Variants in BTN2A2 observed in about 807,000 individuals in gnomAD.
BTN2A2 encodes the protein butyrophilin subfamily 2 member A2.
BTN2A2 carries 29 observed loss-of-function variants against 34.7 expected under a neutral mutation model. That is an observed-to-expected ratio of 0.84 (90% CI 0.62 to 1.14). The LOEUF (loss-of-function observed/expected upper bound fraction) is 1.14, where lower values mean the gene tolerates loss of function less well. Ranked by LOEUF, BTN2A2 falls within the 50% of genes most tolerant of loss-of-function variation. The pLI is 0.00. For synonymous variants in BTN2A2, 240 were observed against 253.1 expected (o/e 0.95, Z 0.49); for missense variants, 612 against 651.5 (o/e 0.94, Z 0.66).
Position 26,389,974 on chromosome 6 carries a change from A to G in BTN2A2, c.725-31A>G, listed in dbSNP as rs775434637. 3.7e-5 allele frequency: 60 copies of G among 1,605,814 alleles called. 1 individual carries two copies. In the South Asian group the frequency reaches 6.2e-4, roughly 17 times the overall value. ...CTCTCATCCAGATGTTCTATTTCAAACTAAATGGACTTTTCTGGCTGCCTT... is the reference window on the plus strand; with the variant it reads ...CTCTCATCCAGATGTTCTATTTCAAGCTAAATGGACTTTTCTGGCTGCCTT... On this transcript the variant is annotated intron_variant, in intron 4 of 7. Transcript: ENST00000356709.
intron 3 of BTN2A2, among the ~76,000 whole-genome samples, chr6:26,385,833 C>T (rs961006757): frequency 4.6e-5 from 7 of 152,126 alleles, no homozygotes; most frequent in East Asian, 1.9e-4. Context: ...TACAGGCGTG[C>T]GCCACCACGC....
chr6:26,389,382 AG>A (rs1761424912), intron 4 of BTN2A2, among the ~76,000 whole-genome samples: 1 of 152,162 alleles, frequency 6.6e-6, no homozygotes. Context: ...TGAGCAGCCA[AG>A]GTACAGGAAG....
chr6:26,384,913 C>A lies in BTN2A2; in HGVS notation c.95-102C>A. On this transcript the variant is annotated intron_variant, in intron 2 of 7. Coordinates refer to ENST00000356709, the MANE Select transcript of BTN2A2 (RefSeq NM_006995.5). The surrounding 1 kb of genome is among the most constrained non-coding windows in gnomAD (Gnocchi z 4.0). ...CTTGGAATATCTGCTTCCTTTCATCCCTGGAGTTTTTTTTGTTTGTTTGTT... is the reference window on the plus strand; with the variant it reads ...CTTGGAATATCTGCTTCCTTTCATCACTGGAGTTTTTTTTGTTTGTTTGTT... 1.6e-6 allele frequency: 2 copies of A among 1,230,048 alleles called. No individual in the cohort carries two copies. Among genetic ancestry groups the A allele is most frequent in the East Asian group, 2.5e-5 (1 of 39,646 alleles). 76.2% of individuals were successfully genotyped at this position (1,230,048 alleles called of 1,614,324 possible).
intron 4 of BTN2A2, 66 bp downstream of exon 4, chr6:26,388,360 A>G: frequency 2.5e-6 from 4 of 1,574,378 alleles, no homozygotes; most frequent in Non-Finnish European, 3.5e-6. Context: ...GATGGAGCCC[A>G]GAGCGGGAAT....
chr6:26,393,169 G>A lies in BTN2A2; in HGVS notation c.*202G>A, dbSNP rs1203058151. 1.3e-6 allele frequency: 2 copies of A among 1,576,566 alleles called. No homozygotes were observed. The highest frequency in any genetic ancestry group is 1.7e-6 in the Non-Finnish European group (2 of 1,163,558). ...AGTCTGTGGCTTTAGTAGTTCCTTTGCTTGTAATTATGGGATGGGATCCAG... is the reference window on the plus strand; with the variant it reads ...AGTCTGTGGCTTTAGTAGTTCCTTTACTTGTAATTATGGGATGGGATCCAG... On this transcript the variant is annotated 3_prime_UTR_variant, in exon 8 of 8. Transcript: ENST00000356709.
At position 26,390,369 on chromosome 6, in the gene BTN2A2, G is replaced by A. The variant is rs533945743; in HGVS notation, c.931+158G>A. ...GGAAATGCACAGCAGCAGCCACAAGGGCTTGGAACTCTCATGTCATAAGAA... is the reference window on the plus strand; with the variant it reads ...GGAAATGCACAGCAGCAGCCACAAGAGCTTGGAACTCTCATGTCATAAGAA... On this transcript the variant is annotated intron_variant, in intron 5 of 7. Transcript: ENST00000356709. The A allele has an allele frequency of 2.1e-5, 16 of 772,778 alleles. No individual in the cohort carries two copies. The African/African-American group carries it at 2.1e-4, about 10-fold the overall frequency. 47.9% of individuals were successfully genotyped at this position (772,778 alleles called of 1,614,324 possible).
intron 7 of BTN2A2, 113 bp downstream of exon 7, chr6:26,390,942 A>G: frequency 6.5e-7 from 1 of 1,531,338 alleles, no homozygotes; most frequent in East Asian, 2.3e-5. Flanking sequence ...ACCATAGGGA[A>G]CTGGGGTCAG....
chr6:26,390,826 G>A lies in BTN2A2; in HGVS notation c.976G>A (p.Ala326Thr). 6.2e-7 allele frequency: 1 copy of A among 1,614,102 alleles called. No individual in the cohort carries two copies. Among genetic ancestry groups the A allele is most frequent in the South Asian group, 1.1e-5 (1 of 91,088 alleles). The change falls in exon 7 of 8, where the codon GCT becomes ACT. Residue 326 changes from alanine (A) to threonine (T), a missense_variant. By Grantham distance (58) the Ala-to-Thr change is moderately conservative. Transcript: ENST00000356709. ...ELRWRRTFLH[A>T]ADVVLDPDTA... ...AGGATGGAGAAGAACATTCTTACATGCTGGTGAGTGCCTCTGATGTTCTCT... is the reference window on the plus strand; with the variant it reads ...AGGATGGAGAAGAACATTCTTACATACTGGTGAGTGCCTCTGATGTTCTCT...
At chr6:26,390,302 A>G (rs758717301) in intron 5 of BTN2A2, 91 bp downstream of exon 5, 9 of 1,320,274 alleles carry the variant, frequency 6.8e-6, no homozygotes, top group Non-Finnish European at 9.4e-6. Flanking sequence ...TGTCATAGAA[A>G]GGCCACAGCT....
chr6:26,385,359 G>T lies in BTN2A2; in HGVS notation c.439G>T (p.Ala147Ser). Residue 147 changes from alanine (A) to serine (S), a missense_variant, in exon 3 of 8, where the codon GCA becomes TCA. Physicochemically the swap from Ala to Ser is moderately conservative, Grantham distance 99 (BLOSUM62 1). Coordinates refer to ENST00000356709, the MANE Select transcript of BTN2A2 (RefSeq NM_006995.5). ...YDEAILRLVV[A>S]GLGSKPLIEI... ...TGAGGCCATCCTACGCCTCGTGGTGGCAGGTGCATCACTTCATTTTGCTTT... is the reference window on the plus strand; with the variant it reads ...TGAGGCCATCCTACGCCTCGTGGTGTCAGGTGCATCACTTCATTTTGCTTT... 1 of 1,611,930 alleles carries T rather than the reference G, an allele frequency of 6.2e-7. No homozygotes were observed.
chr6:26,385,245 AG>A lies in BTN2A2; in HGVS notation c.329del (p.Gly110AlafsTer84). On this transcript the variant is annotated frameshift_variant, in exon 3 of 8. Transcript: ENST00000356709. LOFTEE classifies it high-confidence loss of function. ...CACCTTTGTGAGCAAAGACATCAAC[AG>A]GGGCAGCGTGGCCCTGGTCATACAT... ...RITFVSKDINRGSVALVIHNV... is the reference protein window; with the variant it reads ...RITFVSKDINXGSVALVIHNV... The A allele has an allele frequency of 3.7e-6, 6 of 1,614,198 alleles. No homozygotes were observed. The highest frequency in any genetic ancestry group is 5.1e-6 in the Non-Finnish European group (6 of 1,180,040).
chr6:26,392,970 T>A lies in BTN2A2; in HGVS notation c.*3T>A. On this transcript the variant is annotated 3_prime_UTR_variant, in exon 8 of 8. Coordinates refer to ENST00000356709, the MANE Select transcript of BTN2A2 (RefSeq NM_006995.5). ...TGGGGACCCACCAGAGCCTATAGAA[T>A]CAATTCCTTGGACTCACAGCCATGC... The A allele has an allele frequency of 1.9e-6, 3 of 1,614,008 alleles. No homozygotes were observed. The highest frequency in any genetic ancestry group is 2.5e-6 in the Non-Finnish European group (3 of 1,179,980).
At position 26,383,670 on chromosome 6, in the gene BTN2A2, T is replaced by A. The variant is rs575430309; in HGVS notation, c.-30-122T>A. On this transcript the variant is annotated intron_variant, in intron 1 of 7. Coordinates refer to ENST00000356709, the MANE Select transcript of BTN2A2 (RefSeq NM_006995.5). The surrounding 1 kb of genome is among the most constrained non-coding windows in gnomAD (Gnocchi z 4.4). ...TTTCGGAGATACCTGAGCCTTGAGATGCAAGCGACTCCCAGAAGTTGGGGC... is the reference window on the plus strand; with the variant it reads ...TTTCGGAGATACCTGAGCCTTGAGAAGCAAGCGACTCCCAGAAGTTGGGGC... 4.3e-5 allele frequency: 31 copies of A among 728,718 alleles called. No homozygotes were observed. The South Asian group carries it at 5.0e-4, about 12-fold the overall frequency. The allele number at this position is 728,718 out of a possible 1,614,324, so 45.1% of individuals were successfully genotyped here. A position where few individuals can be genotyped will look rare whatever the true frequency, so the allele number is the denominator to read the frequency against.
rs1157080675 is a variant in BTN2A2 at position 26,386,001 on chromosome 6, C to T, written c.442+639C>T. Among the ~76,000 whole-genome samples, 4 of 152,132 alleles carry T rather than the reference C, an allele frequency of 2.6e-5. No homozygotes were observed. The South Asian group carries it at 6.2e-4, about 24-fold the overall frequency. On this transcript the variant is annotated intron_variant, in intron 3 of 7. Coordinates refer to ENST00000356709, the MANE Select transcript of BTN2A2 (RefSeq NM_006995.5). ...AAGGAGACACTGTCAAAAATTGTCC[C>T]GGGGCAATCAGAATCAATAAGAACT...
rs1277412417 is a variant in BTN2A2, at chr6:26,384,927, T to C, written c.95-88T>C. The C allele has an allele frequency of 7.5e-7, 1 of 1,334,948 alleles. No homozygotes were observed. The highest frequency in any genetic ancestry group is 2.6e-5 in the Admixed American group (1 of 37,878). The allele number at this position is 1,334,948 out of a possible 1,614,324, so 82.7% of individuals were successfully genotyped here. A position where few individuals can be genotyped will look rare whatever the true frequency, so the allele number is the denominator to read the frequency against. ...TTCCTTTCATCCCTGGAGTTTTTTTTGTTTGTTTGTTTTTGTTTTTTGTTT... is the reference window on the plus strand; with the variant it reads ...TTCCTTTCATCCCTGGAGTTTTTTTCGTTTGTTTGTTTTTGTTTTTTGTTT... On this transcript the variant is annotated intron_variant, in intron 2 of 7. Transcript: ENST00000356709. The surrounding 1 kb of genome is among the most constrained non-coding windows in gnomAD (Gnocchi z 4.0).
In BTN2A2 at chr6:26,393,802, T is replaced by C. The variant is rs1761743638; in HGVS notation, c.*835T>C. ...TATGTTTTTAGACACTTAGAAGTTA[T>C]TGAGGACTTTAAAGAGCTTTTGTTT... On this transcript the variant is annotated 3_prime_UTR_variant, in exon 8 of 8. Transcript: ENST00000356709. 4 of 975,250 alleles carry C rather than the reference T, an allele frequency of 4.1e-6. No homozygotes were observed. The highest frequency in any genetic ancestry group is 4.9e-6 in the Non-Finnish European group (4 of 820,558). 60.4% of individuals were successfully genotyped at this position (975,250 alleles called of 1,614,324 possible). A position where few individuals can be genotyped will look rare whatever the true frequency, so the allele number is the denominator to read the frequency against.
chr6:26,385,596 G>C (rs904361498), intron 3 of BTN2A2: 166 of 469,916 alleles, frequency 3.5e-4, no homozygotes, highest in Non-Finnish European at 4.5e-4. Flanking sequence ...TGTTGCCCAG[G>C]CTGGAGTGCA....
chr6:26,390,985 T>C, intron 7 of BTN2A2, 156 bp downstream of exon 7: 1 of 1,097,544 alleles, frequency 9.1e-7, no homozygotes. Context: ...TGATGCATCA[T>C]GGCTCTTCTG....
chr6:26,392,159 C>A, intron 7 of BTN2A2: 1 of 1,448,910 alleles, frequency 6.9e-7, no homozygotes, highest in Non-Finnish European at 9.3e-7. Context: ...CACAATTCTT[C>A]TCAACCTGGG....
Sources: allele counts gnomAD v4.1 joint callset (sites outside exome capture counted in the v4.1 genomes callset), GRCh38; gene constraint gnomAD v4.1.1; non-coding constraint Gnocchi (gnomAD v3.1); transcripts MANE v1.5; gene names NCBI Gene and HGNC (gene_info 2026-07-23, HGNC 2026-07-21).